CFAP43: variants seen among roughly 807,000 people sequenced by gnomAD.
The protein encoded by CFAP43 is cilia- and flagella-associated protein 43.
Under a neutral mutation model 218.9 loss-of-function variants are expected in CFAP43, and 155 were observed. That is an observed-to-expected ratio of 0.71 (90% CI 0.62 to 0.81). The LOEUF is 0.81. Ranked by LOEUF, CFAP43 falls within the 30% of genes least tolerant of loss-of-function variation. The pLI, the probability that CFAP43 is intolerant of heterozygous loss-of-function variation, is 0.00. For missense variants in CFAP43, 1,778 were observed against 1,954.3 expected, an observed-to-expected ratio of 0.91 and a Z score of 1.70; for synonymous variants, 645 against 681.3, an observed-to-expected ratio of 0.95 and a Z score of 0.83.
In CFAP43 at chr10:104,202,860, CAA is replaced by C. The variant is rs537355692; in HGVS notation, c.1095+810_1095+811del. On this transcript the variant is annotated intron_variant, in intron 8 of 37. Coordinates refer to ENST00000357060, the MANE Select transcript of CFAP43 (RefSeq NM_025145.7). The stretch of plus-strand genomic sequence containing the variant: ...AAAAACTTCTGGTAATTATCAGAAA[CAA>C]AAGTCTTTCCATACTTAAATTTAAG... Among the ~76,000 whole-genome samples, 404 of 149,442 alleles carry C rather than the reference CAA, an allele frequency of 2.7e-3. 4 individuals carry two copies. Among genetic ancestry groups the C allele is most frequent in the East Asian group, 1.2e-3 (6 of 5,094 alleles).
chr10:104,163,540 A>G (rs781346093), intron 24 of CFAP43, among the ~76,000 whole-genome samples: 39 of 152,094 alleles, frequency 2.6e-4, no homozygotes, highest in Non-Finnish European at 4.9e-4. Context: ...TCTGTGCCAA[A>G]ACCTTTAAAG....
chr10:104,168,434 A>G (rs1229715863), intron 21 of CFAP43, among the ~76,000 whole-genome samples: 1 of 152,156 alleles, frequency 6.6e-6, no homozygotes, highest in East Asian at 1.9e-4. Context: ...TCTACCTTTC[A>G]ATCTGTGTGA....
At chr10:104,161,888 G>A in intron 26 of CFAP43, 73 bp downstream of exon 26, 1 of 1,428,898 alleles carries the variant, frequency 7.0e-7, no homozygotes, top group Non-Finnish European at 9.6e-7. Context: ...GTTTATATAG[G>A]ACAAAAATGG....
intron 29 of CFAP43, 83 bp from the exon 30 acceptor site, chr10:104,146,432 G>C: frequency 9.9e-7 from 1 of 1,010,190 alleles, no homozygotes; most frequent in Admixed American, 1.8e-5. Flanking sequence ...AAAAGAGCAA[G>C]GAATTTCCTA....
intron 5 of CFAP43, among the ~76,000 whole-genome samples, chr10:104,208,538 T>C (rs1407629216): frequency 1.3e-5 from 2 of 152,154 alleles, no homozygotes; most frequent in Admixed American, 1.3e-4. Context: ...ATATGGATTA[T>C]GTAAGCAGAA....
At chr10:104,159,385 T>C (rs1263336387) in intron 27 of CFAP43, among the ~76,000 whole-genome samples, 1 of 152,156 alleles carries the variant, frequency 6.6e-6, no homozygotes, top group Non-Finnish European at 1.5e-5. Context: ...CCAGGAAGTA[T>C]TTTTTTAATA....
At chr10:104,212,619 T>C (rs1194067574) in intron 4 of CFAP43, among the ~76,000 whole-genome samples, 1 of 152,218 alleles carries the variant, frequency 6.6e-6, no homozygotes. Flanking sequence ...TGTTGGCAAC[T>C]AATTCAAATG....
intron 4 of CFAP43, among the ~76,000 whole-genome samples, chr10:104,213,202 CT>C (rs1264509898): frequency 1.3e-5 from 2 of 152,230 alleles, no homozygotes; most frequent in African/African-American, 4.8e-5. Context: ...AAAGGCTTCT[CT>C]TAAGGCTCTC....
At chr10:104,168,595 A>C in intron 21 of CFAP43, 149 bp downstream of exon 21, 1 of 625,306 alleles carries the variant, frequency 1.6e-6, no homozygotes, top group Non-Finnish European at 2.8e-6. Flanking sequence ...AGACAGGGAC[A>C]CATCCAGGTG....
intron 2 of CFAP43, among the ~76,000 whole-genome samples, chr10:104,226,496 C>A (rs1296078148): frequency 6.6e-6 from 1 of 151,910 alleles, no homozygotes; most frequent in East Asian, 1.9e-4. Flanking sequence ...ACGTTTCCCC[C>A]CACAATTGAA....
intron 3 of CFAP43, among the ~76,000 whole-genome samples, chr10:104,222,559 A>T (rs1365439210): frequency 3.3e-5 from 5 of 152,178 alleles, no homozygotes; most frequent in Non-Finnish European, 7.3e-5. Flanking sequence ...TCCTCTGCAC[A>T]GCATCTACCC....
At chr10:104,190,487 C>T (rs1478086987) in intron 12 of CFAP43, among the ~76,000 whole-genome samples, 4 of 152,194 alleles carry the variant, frequency 2.6e-5, no homozygotes, top group Admixed American at 2.6e-4. Context: ...CTCTGTTGAG[C>T]CATCTCATCA....
chr10:104,162,257 G>A, intron 25 of CFAP43, 60 bp downstream of exon 25: 1 of 1,509,094 alleles, frequency 6.6e-7, no homozygotes, highest in Non-Finnish European at 9.2e-7. Flanking sequence ...AACCAAACTA[G>A]GAAGCAGTAT....
chr10:104,153,162 T>C (rs2088360944), intron 27 of CFAP43, among the ~76,000 whole-genome samples: 1 of 152,230 alleles, frequency 6.6e-6, no homozygotes, highest in South Asian at 2.1e-4. Context: ...TGCACATATA[T>C]GTATATTTAT....
intron 7 of CFAP43, among the ~76,000 whole-genome samples, chr10:104,205,175 T>C (rs1371192210): frequency 7.6e-6 from 1 of 131,786 alleles, no homozygotes; most frequent in East Asian, 2.1e-4. Context: ...ATCGCGCCAC[T>C]GTACTCCAGC....
Position 104,232,205 on chromosome 10 carries a change from G to A in CFAP43, c.42C>T (p.Ala14=). The A allele has an allele frequency of 1.9e-6, 3 of 1,609,422 alleles. No homozygotes were observed. Among genetic ancestry groups the A allele is most frequent in the Non-Finnish European group, 2.5e-6 (3 of 1,178,606 alleles). ...GRERDEGPHS[A]GGASLSVRWV... ...ACCTCACGGACAAGGACGCGCCGCC[G>A]GCGGAGTGGGGGCCTTCGTCGCGCT... The change falls in exon 1 of 38, where the codon GCC becomes GCT. Residue 14 remains alanine (A), a synonymous_variant. Coordinates refer to ENST00000357060, the MANE Select transcript of CFAP43 (RefSeq NM_025145.7).
intron 15 of CFAP43, among the ~76,000 whole-genome samples, chr10:104,185,583 A>G (rs1038532969): frequency 1.1e-4 from 16 of 152,174 alleles, no homozygotes; most frequent in African/African-American, 3.6e-4. Context: ...AGAATGGAAG[A>G]TAACATGCTC....
intron 20 of CFAP43, 101 bp downstream of exon 20, chr10:104,172,309 G>A: frequency 1.4e-6 from 2 of 1,408,340 alleles, no homozygotes; most frequent in Non-Finnish European, 1.9e-6. Context: ...ACTGAAAAAG[G>A]TTTTGTCATA....
chr10:104,132,913 C>CA (rs1460757465), intron 35 of CFAP43: 1 of 489,212 alleles, frequency 2.0e-6, no homozygotes, highest in Non-Finnish European at 2.6e-6. Flanking sequence ...TGCCAGAAGC[C>CA]ATGTAGAGTG....
Sources: gnomAD v4.1 joint callset for allele counts (sites outside exome capture counted in the v4.1 genomes callset) on GRCh38, gnomAD v4.1.1 for gene constraint, MANE v1.5 for transcripts, NCBI Gene and HGNC (gene_info 2026-07-23, HGNC 2026-07-21) for gene names.